Variants in MTMR1 observed in about 807,000 individuals in gnomAD.
The protein encoded by MTMR1 is myotubularin related protein 1.
MTMR1 carries 17 observed loss-of-function variants against 51.6 expected under a neutral mutation model. The observed-to-expected ratio is 0.33, with a 90% CI of 0.23 to 0.49. The LOEUF (loss-of-function observed/expected upper bound fraction) is 0.49, where lower values mean the gene tolerates loss of function less well. Among genes scored for constraint, MTMR1 ranks in the 20% least tolerant of loss-of-function variants. The pLI is 0.99. For synonymous variants in MTMR1, 201 were observed against 205.6 expected (o/e 0.98, Z 0.19); for missense variants, 386 against 526.9 (o/e 0.73, Z 2.62).
chrX:150,755,778 C>A lies in MTMR1; in HGVS notation c.1770C>A (p.Asn590Lys). 8.3e-7 allele frequency: 1 copy of A among 1,203,895 alleles called. No homozygotes were observed. The highest frequency in any genetic ancestry group is 3.0e-5 in the East Asian group (1 of 33,731). ...FSNPFFVNYE[N>K]HVLYPVASLS... ...ATCCCTTCTTTGTGAATTATGAAAA[C>A]CACGTGTTATATCCTGTTGCTAGTC... Residue 590 changes from asparagine to lysine, a missense_variant, in exon 15 of 16, where the codon AAC becomes AAA. Coordinates refer to ENST00000445323, the MANE Select transcript of MTMR1 (RefSeq NM_001306144.3).
At chrX:150,711,462 T>C (rs964046257) in intron 2 of MTMR1, among the ~76,000 whole-genome samples, 1 of 112,463 alleles carries the variant, frequency 8.9e-6, no homozygotes, top group Admixed American at 9.4e-5. Context: ...ATTTCAGACT[T>C]TGAAATGGGG....
chrX:150,697,866 C>T (rs1259062349), intron 1 of MTMR1, among the ~76,000 whole-genome samples: 3 of 111,749 alleles, frequency 2.7e-5, no homozygotes, highest in Non-Finnish European at 5.6e-5. Context: ...GTGAGTCAGT[C>T]GCTATTGGTT....
chrX:150,733,776 C>T (rs1275406573), intron 10 of MTMR1, among the ~76,000 whole-genome samples: 3 of 111,077 alleles, frequency 2.7e-5, no homozygotes, highest in African/African-American at 9.8e-5. Context: ...ATGTAAATGA[C>T]TTAGCACAGT....
chrX:150,749,093 G>T (rs782508289), intron 13 of MTMR1, among the ~76,000 whole-genome samples: 1 of 112,379 alleles, frequency 8.9e-6, no homozygotes, highest in Non-Finnish European at 1.9e-5. Flanking sequence ...GAGGAGAGTT[G>T]TGTGTTTCTG....
At chrX:150,744,550 A>G (rs2042523177) in intron 13 of MTMR1, 97 bp downstream of exon 13, 2 of 676,244 alleles carry the variant, frequency 3.0e-6, no homozygotes, top group Admixed American at 2.8e-5. Context: ...GAATTTGTGT[A>G]AAATATGACC....
At chrX:150,735,619 A>G (rs1392599539) in intron 10 of MTMR1, 1 of 375,546 alleles carries the variant, frequency 2.7e-6, no homozygotes. Context: ...TCTCCACATT[A>G]TGACCAGAGT....
chrX:150,762,670 T>A lies in MTMR1; in HGVS notation c.1963T>A (p.Ser655Thr), dbSNP rs781817591. The change falls in exon 16 of 16, where the codon TCA becomes ACA. Residue 655 changes from serine to threonine, a missense_variant. By Grantham distance (58) the Ser-to-Thr change is moderately conservative. Coordinates refer to ENST00000445323, the MANE Select transcript of MTMR1 (RefSeq NM_001306144.3). ...GGTGGCCACGCGCGCCGTCTCATCCTCATCTGAGCGGGGCTCCTCGCCCTC... is the reference window on the plus strand; with the variant it reads ...GGTGGCCACGCGCGCCGTCTCATCCACATCTGAGCGGGGCTCCTCGCCCTC... The part of the protein sequence containing the change: ...REVATRAVSS[S>T]SERGSSPSHS... 13 of 1,202,417 alleles carry A rather than the reference T, an allele frequency of 1.1e-5. No homozygotes were observed. In the East Asian group the frequency reaches 3.9e-4, roughly 36 times the overall value.
At position 150,715,114 on chromosome X, in the gene MTMR1, G is replaced by A. The variant is rs183373833; in HGVS notation, c.276+2749G>A. On this transcript the variant is annotated intron_variant, in intron 3 of 15. Transcript: ENST00000445323. ...CTCCAGGGATGTGTGGCATGCCCCA[G>A]GTGCTCAGCTGCACCATTGTCCACC... 3.4e-4 allele frequency among the ~76,000 whole-genome samples: 38 copies of A among 111,970 alleles called. 1 individual carries two copies. In the East Asian group the frequency reaches 4.5e-3, roughly 13 times the overall value.
At chrX:150,735,275 A>T in intron 10 of MTMR1, 1 of 328,753 alleles carries the variant, frequency 3.0e-6, no homozygotes, top group Non-Finnish European at 5.2e-6. Flanking sequence ...AGTTTGTGAT[A>T]GCACCCTTAG....
intron 2 of MTMR1, among the ~76,000 whole-genome samples, chrX:150,707,223 A>G (rs1234244148): frequency 8.9e-6 from 1 of 112,137 alleles, no homozygotes; most frequent in Non-Finnish European, 1.9e-5. Context: ...CAAAAGCACA[A>G]TCCATAAAAG....
intron 4 of MTMR1, among the ~76,000 whole-genome samples, chrX:150,722,536 CATT>C (rs1350547959): frequency 2.7e-5 from 3 of 111,638 alleles, no homozygotes; most frequent in African/African-American, 9.8e-5. Context: ...TTATTATAGA[CATT>C]ATAGCTTTTA....
intron 15 of MTMR1, among the ~76,000 whole-genome samples, chrX:150,760,618 G>C (rs2043082344): frequency 8.9e-6 from 1 of 111,896 alleles, no homozygotes; most frequent in African/African-American, 3.2e-5. Context: ...CCCTTGATTT[G>C]TTGCAAATGA....
rs1198004536 is a variant in MTMR1, at chrX:150,760,142, A to AT, written c.1858-2422dup. ...AGAAGAGAGAACCAAAAAAGAGTACATGGGCCGCAGCTTGTTATCCTGTAT... is the reference window on the plus strand; with the variant it reads ...AGAAGAGAGAACCAAAAAAGAGTACATTGGGCCGCAGCTTGTTATCCTGTAT... On this transcript the variant is annotated intron_variant, in intron 15 of 15. Coordinates refer to ENST00000445323, the MANE Select transcript of MTMR1 (RefSeq NM_001306144.3). Among the ~76,000 whole-genome samples, 3 of 108,948 alleles carry AT rather than the reference A, an allele frequency of 2.8e-5. No homozygotes were observed. In the South Asian group the frequency reaches 1.1e-3, roughly 41 times the overall value. 94.6% of individuals were successfully genotyped at this position (108,948 alleles called of 115,157 possible).
At chrX:150,698,674 GCGCGCGCACACACACACACACACACA>G (rs2040778013) in intron 1 of MTMR1, among the ~76,000 whole-genome samples, 1 of 61,214 alleles carries the variant, frequency 1.6e-5, no homozygotes, top group Non-Finnish European at 2.9e-5. Context: ...CTGTCTACAC[GCGCGCGCACACACACACACACACACA>G]CACACACACA....
intron 1 of MTMR1, among the ~76,000 whole-genome samples, chrX:150,697,535 T>C (rs781900413): frequency 1.8e-5 from 2 of 111,488 alleles, no homozygotes; most frequent in South Asian, 7.6e-4. Flanking sequence ...TAGCTTGATT[T>C]CTTAGTGTTT....
chrX:150,693,927 C>T (rs1433523646), intron 1 of MTMR1, among the ~76,000 whole-genome samples: 10 of 111,531 alleles, frequency 9.0e-5, no homozygotes, highest in Non-Finnish European at 1.9e-4. Flanking sequence ...GCCCCAGCTC[C>T]TGGAACCCCG....
Position 150,736,583 on chromosome X carries a change from TG to T in MTMR1, c.1081-11del, listed in dbSNP as rs781952085. On this transcript the variant is annotated splice_polypyrimidine_tract_variant and intron_variant, in intron 10 of 15. Transcript: ENST00000445323. Reference sequence around the variant, plus strand: ...TCCAGATAATGTGATGTATTTGTTTTGTTTTTCGTAGACAAAGGGTGGAGGA... The same window carrying T: ...TCCAGATAATGTGATGTATTTGTTTTTTTTTCGTAGACAAAGGGTGGAGGA... 6 of 1,199,359 alleles carry T rather than the reference TG, an allele frequency of 5.0e-6. No homozygotes were observed. In the South Asian group the frequency reaches 1.1e-4, roughly 22 times the overall value.
intron 15 of MTMR1, among the ~76,000 whole-genome samples, chrX:150,759,650 C>A (rs1442197582): frequency 2.7e-5 from 3 of 109,657 alleles, no homozygotes; most frequent in African/African-American, 9.8e-5. Flanking sequence ...AGGTAACAGA[C>A]CTTTCCTAAA....
At chrX:150,725,612 G>A (rs1557416730) in intron 4 of MTMR1, among the ~76,000 whole-genome samples, 1 of 111,842 alleles carries the variant, frequency 8.9e-6, no homozygotes, top group Non-Finnish European at 1.9e-5. Flanking sequence ...GCTGCTTCAT[G>A]TACAGGATAA....
Sources: gnomAD v4.1 joint callset for allele counts (sites outside exome capture counted in the v4.1 genomes callset) on GRCh38, gnomAD v4.1.1 for gene constraint, MANE v1.5 for transcripts, NCBI Gene and HGNC (gene_info 2026-07-23, HGNC 2026-07-21) for gene names.